Variants in NELL1 observed in about 807,000 individuals in gnomAD.
NELL1 encodes the protein protein kinase C-binding protein NELL1.
NELL1 carries 76 observed loss-of-function variants against 107.4 expected under a neutral mutation model. The observed-to-expected ratio is 0.71, with a 90% confidence interval of 0.59 to 0.86. NELL1 has a LOEUF of 0.86. Ranked by LOEUF, NELL1 falls within the 40% of genes least tolerant of loss-of-function variation. NELL1 has a pLI of 0.00. For synonymous variants in NELL1, 353 were observed against 341.2 expected (o/e 1.03, Z -0.38); for missense variants, 1,024 against 1,005.5 (o/e 1.02, Z -0.25).
chr11:21,109,489 C>T (rs1474453927), intron 12 of NELL1, among the ~76,000 whole-genome samples: 3 of 152,106 alleles, frequency 2.0e-5, no homozygotes, highest in African/African-American at 7.2e-5. Context: ...CTTCTTGTCT[C>T]CTGGCTTCTG....
chr11:21,217,994 T>A (rs1857659876), intron 13 of NELL1, among the ~76,000 whole-genome samples: 1 of 152,222 alleles, frequency 6.6e-6, no homozygotes, highest in Admixed American at 6.5e-5. Flanking sequence ...TGATAATGAC[T>A]GTTTAATTAG....
intron 13 of NELL1, among the ~76,000 whole-genome samples, chr11:21,192,017 ATAATAT>A (rs140590344): frequency 0.04 from 6,151 of 151,956 alleles, 151 homozygotes; most frequent in Middle Eastern, 0.068. Flanking sequence ...GGGGTAATAG[ATAATAT>A]TAATTCCAAT....
chr11:21,369,104 G>A (rs1295558677), intron 14 of NELL1, among the ~76,000 whole-genome samples: 1 of 152,032 alleles, frequency 6.6e-6, no homozygotes, highest in African/African-American at 2.4e-5. Flanking sequence ...ATGAAGTGCA[G>A]TTTCAACTCT....
chr11:21,241,147 T>C (rs909390612), intron 14 of NELL1, among the ~76,000 whole-genome samples: 5 of 152,136 alleles, frequency 3.3e-5, no homozygotes, highest in African/African-American at 1.2e-4. Context: ...TTGTTTTCCT[T>C]TCCTTAGTAA....
At chr11:21,398,549 G>C (rs928758320) in intron 15 of NELL1, among the ~76,000 whole-genome samples, 1 of 151,608 alleles carries the variant, frequency 6.6e-6, no homozygotes, top group Non-Finnish European at 1.5e-5. Context: ...GAGGATCAAA[G>C]TAGACTCTTC....
At chr11:21,572,858 G>C (rs76724898) in intron 18 of NELL1, among the ~76,000 whole-genome samples, 16,490 of 151,842 alleles carry the variant, frequency 0.11, 2,951 homozygotes, top group African/African-American at 0.37. Context: ...GTAACAAGCA[G>C]AAAGTCTGAA....
chr11:20,693,225 C>A (rs1413886512), intron 2 of NELL1, among the ~76,000 whole-genome samples: 2 of 152,020 alleles, frequency 1.3e-5, no homozygotes, highest in Non-Finnish European at 2.9e-5. Context: ...ACTGATGGGT[C>A]TTGACTCTTT....
intron 15 of NELL1, among the ~76,000 whole-genome samples, chr11:21,516,743 A>G (rs1855574053): frequency 7.2e-6 from 1 of 138,002 alleles, no homozygotes; most frequent in Non-Finnish European, 1.6e-5. Context: ...ACACACATAC[A>G]CACACACACA....
chr11:21,381,697 T>G (rs1487455878), intron 15 of NELL1, among the ~76,000 whole-genome samples: 1 of 152,036 alleles, frequency 6.6e-6, no homozygotes, highest in South Asian at 2.1e-4. Context: ...TCTTACAACC[T>G]CTCACTGTAC....
intron 13 of NELL1, among the ~76,000 whole-genome samples, chr11:21,142,048 G>A (rs1354100599): frequency 6.6e-6 from 1 of 152,160 alleles, no homozygotes; most frequent in African/African-American, 2.4e-5. Flanking sequence ...ATAGGCATGA[G>A]CCACCACACC....
intron 2 of NELL1, among the ~76,000 whole-genome samples, chr11:20,695,772 G>A (rs1283681417): frequency 6.6e-6 from 1 of 152,016 alleles, no homozygotes; most frequent in Non-Finnish European, 1.5e-5. Context: ...TTGATAACAG[G>A]GTGATGCTGG....
chr11:21,015,169 T>G (rs1284440307), intron 12 of NELL1, among the ~76,000 whole-genome samples: 1 of 152,076 alleles, frequency 6.6e-6, no homozygotes, highest in Non-Finnish European at 1.5e-5. Flanking sequence ...CTCAATTTTC[T>G]TGCAGCTTTA....
chr11:21,469,732 A>G (rs1331147057), intron 15 of NELL1, among the ~76,000 whole-genome samples: 2 of 152,202 alleles, frequency 1.3e-5, no homozygotes, highest in Middle Eastern at 3.4e-3. Flanking sequence ...AAATGCAACA[A>G]TGGTGATAAT....
At chr11:20,726,479 T>G (rs1855511438) in intron 2 of NELL1, among the ~76,000 whole-genome samples, 2 of 152,122 alleles carry the variant, frequency 1.3e-5, no homozygotes, top group South Asian at 2.1e-4. Context: ...TATCATCGAT[T>G]AGTTTTGCAT....
At chr11:20,920,693 A>G (rs1479745263) in intron 7 of NELL1, among the ~76,000 whole-genome samples, 2 of 152,040 alleles carry the variant, frequency 1.3e-5, no homozygotes, top group African/African-American at 4.8e-5. Context: ...GTCTCAGGTG[A>G]TTGTGGTTCT....
At chr11:21,499,951 C>T (rs145145524) in intron 15 of NELL1, among the ~76,000 whole-genome samples, 3 of 152,054 alleles carry the variant, frequency 2.0e-5, no homozygotes, top group African/African-American at 7.2e-5. Flanking sequence ...CTTCTAGGAC[C>T]TGTGAAGTTG....
intron 12 of NELL1, among the ~76,000 whole-genome samples, chr11:21,056,485 T>C (rs1034306223): frequency 6.6e-6 from 1 of 152,036 alleles, no homozygotes; most frequent in Non-Finnish European, 1.5e-5. Context: ...AGTGTTGTCA[T>C]CTAAAAAAAT....
chr11:21,396,979 A>C (rs1851996136), intron 15 of NELL1, among the ~76,000 whole-genome samples: 1 of 151,674 alleles, frequency 6.6e-6, no homozygotes, highest in Admixed American at 6.6e-5. Context: ...CTTTTCCCTG[A>C]TGATTTTAAG....
At chr11:21,197,486 G>A (rs1857180783) in intron 13 of NELL1, among the ~76,000 whole-genome samples, 1 of 151,706 alleles carries the variant, frequency 6.6e-6, no homozygotes, top group Non-Finnish European at 1.5e-5. Context: ...TTAATAGGCT[G>A]TTAGACAGCC....
Sources: gnomAD v4.1 joint callset for allele counts (sites outside exome capture counted in the v4.1 genomes callset) on GRCh38, gnomAD v4.1.1 for gene constraint, MANE v1.5 for transcripts, NCBI Gene and HGNC (gene_info 2026-07-23, HGNC 2026-07-21) for gene names.